Variants in UBE2W observed in about 807,000 individuals in gnomAD.
UBE2W encodes the protein ubiquitin conjugating enzyme E2 W, also known as ubiquitin-conjugating enzyme E2 W.
UBE2W carries 18 observed loss-of-function variants against 27.2 expected under a neutral mutation model. The observed-to-expected ratio is 0.66, with a 90% confidence interval of 0.46 to 0.98. The LOEUF (loss-of-function observed/expected upper bound fraction) is 0.98, where lower values mean the gene tolerates loss of function less well. Among genes scored for constraint, UBE2W ranks in the 50% least tolerant of loss-of-function variants. The pLI is 0.00. For synonymous variants in UBE2W, 53 were observed against 57.2 expected, an observed-to-expected ratio of 0.93 and a Z score of 0.33; for missense variants, 90 against 180.2, an observed-to-expected ratio of 0.50 and a Z score of 2.87.
At chr8:73,843,343 A>C (rs962888772) in intron 1 of UBE2W, among the ~76,000 whole-genome samples, 3 of 152,238 alleles carry the variant, frequency 2.0e-5, no homozygotes, top group Non-Finnish European at 4.4e-5. Context: ...TCTAAATAAA[A>C]ATTTTTTCAC....
intron 1 of UBE2W, among the ~76,000 whole-genome samples, chr8:73,877,581 GA>G (rs201358991): frequency 2.0e-3 from 307 of 149,872 alleles, no homozygotes; most frequent in African/African-American, 5.8e-3. Flanking sequence ...GCAGAGTAAA[GA>G]AAAAAAAATG....
chr8:73,786,290 T>C lies in UBE2W; in HGVS notation c.*7812A>G. The C allele has an allele frequency of 6.1e-6, 6 of 985,440 alleles. No homozygotes were observed. The highest frequency in any genetic ancestry group is 7.2e-6 in the Non-Finnish European group (6 of 829,918). 61.0% of individuals were successfully genotyped at this position (985,440 alleles called of 1,614,324 possible). ...CTGGGATAGAAAGAGCAGGGTCCTGTTATACATTTTACTCAGGTGGTGGTT... is the reference window on the plus strand; with the variant it reads ...CTGGGATAGAAAGAGCAGGGTCCTGCTATACATTTTACTCAGGTGGTGGTT... On this transcript the variant is annotated 3_prime_UTR_variant, in exon 6 of 6. Coordinates refer to ENST00000602593, the MANE Select transcript of UBE2W (RefSeq NM_018299.6).
At chr8:73,785,776 G>A (rs1173843897), downstream of UBE2W, among the ~76,000 whole-genome samples, 1 of 152,100 alleles carries the variant, frequency 6.6e-6, no homozygotes, top group Non-Finnish European at 1.5e-5. Context: ...AGTAGATACG[G>A]GGTTTCACCA....
chr8:73,789,807 A>G lies in UBE2W; in HGVS notation c.*4295T>C. 1 of 713,288 alleles carries G rather than the reference A, an allele frequency of 1.4e-6. No individual in the cohort carries two copies. The highest frequency in any genetic ancestry group is 1.7e-6 in the Non-Finnish European group (1 of 581,610). The allele number at this position is 713,288 out of a possible 1,614,324, so 44.2% of individuals were successfully genotyped here. On this transcript the variant is annotated 3_prime_UTR_variant, in exon 6 of 6. Coordinates refer to ENST00000602593, the MANE Select transcript of UBE2W (RefSeq NM_018299.6). ...GAGCCAAGATCGTGCACTGCACTAA[A>G]GCCCGGGTGACAGAGCAAGACTCCG...
At chr8:73,875,626 A>G (rs958772918) in intron 1 of UBE2W, among the ~76,000 whole-genome samples, 1 of 148,696 alleles carries the variant, frequency 6.7e-6, no homozygotes, top group Non-Finnish European at 1.5e-5. Context: ...AAATCTACTA[A>G]AAGCTTTTTG....
intron 5 of UBE2W, among the ~76,000 whole-genome samples, chr8:73,804,041 C>A (rs567635158): frequency 6.6e-6 from 1 of 152,084 alleles, no homozygotes; most frequent in Non-Finnish European, 1.5e-5. Context: ...GCTGGGATTA[C>A]AGGCATGAGC....
intron 1 of UBE2W, among the ~76,000 whole-genome samples, chr8:73,832,136 A>AATAAATAAATATATATATATATAT (rs1554582582): frequency 6.9e-6 from 1 of 145,348 alleles, no homozygotes; most frequent in African/African-American, 2.6e-5. Context: ...AAAATAAATA[A>AATAAATAAATATATATATATATAT]ATATATATAT....
rs780423950 is a variant in UBE2W at position 73,794,126 on chromosome 8, A to G, written c.443-11T>C. 3.1e-6 allele frequency: 5 copies of G among 1,612,610 alleles called. No individual in the cohort carries two copies. In the Admixed American group the frequency reaches 8.4e-5, roughly 27 times the overall value. On this transcript the variant is annotated splice_polypyrimidine_tract_variant and intron_variant, in intron 5 of 5. Transcript: ENST00000602593. ...ATCAACAAGTATCATCTTTAAGAAA[A>G]GGAGAAAAAAGATAATTAAAAAGTC... is the stretch of plus-strand genomic sequence containing the variant.
intron 1 of UBE2W, among the ~76,000 whole-genome samples, chr8:73,853,930 C>G (rs191562597): frequency 6.6e-6 from 1 of 152,220 alleles, no homozygotes; most frequent in Admixed American, 6.5e-5. Flanking sequence ...GAGAAGATCG[C>G]TTGAGTCTAG....
In UBE2W at chr8:73,878,828, A is replaced by G; in HGVS notation, c.-6T>C. 1.9e-6 allele frequency: 3 copies of G among 1,550,630 alleles called. No homozygotes were observed. Among genetic ancestry groups the G allele is most frequent in the Non-Finnish European group, 2.6e-6 (3 of 1,146,458 alleles). ...CTCACCTGCATTGACGCCATGATGG[A>G]ACCATCCCCCCAAGACCGGCGAGGC... On this transcript the variant is annotated 5_prime_UTR_variant, in exon 1 of 6. Coordinates refer to ENST00000602593, the MANE Select transcript of UBE2W (RefSeq NM_018299.6).
chr8:73,863,916 T>C (rs937296401), intron 1 of UBE2W, among the ~76,000 whole-genome samples: 13 of 131,838 alleles, frequency 9.9e-5, no homozygotes, highest in African/African-American at 3.4e-4. Context: ...CATGGTTAAC[T>C]CAAAAACAAC....
intron 1 of UBE2W, among the ~76,000 whole-genome samples, chr8:73,843,177 G>A (rs974009731): frequency 2.0e-5 from 3 of 152,208 alleles, no homozygotes; most frequent in African/African-American, 4.8e-5. Context: ...CTGGGGAAAG[G>A]AGAATGGAGA....
intron 1 of UBE2W, among the ~76,000 whole-genome samples, chr8:73,834,326 G>T (rs892014485): frequency 6.6e-6 from 1 of 152,152 alleles, no homozygotes; most frequent in African/African-American, 2.4e-5. Flanking sequence ...GTTTGAACAA[G>T]GTTTTAATTA....
At chr8:73,869,815 T>C (rs1016256731) in intron 1 of UBE2W, among the ~76,000 whole-genome samples, 1 of 152,184 alleles carries the variant, frequency 6.6e-6, no homozygotes, top group African/African-American at 2.4e-5. Flanking sequence ...AGTGAGCCTA[T>C]TGTGCCACTG....
chr8:73,842,947 A>T (rs922343670), intron 1 of UBE2W, among the ~76,000 whole-genome samples: 2 of 152,238 alleles, frequency 1.3e-5, no homozygotes. Context: ...CTAACTGAAG[A>T]ATGAACAAAA....
At position 73,793,206 on chromosome 8, in the gene UBE2W, C is replaced by A. The variant is rs1808274563; in HGVS notation, c.*896G>T. 1 of 985,766 alleles carries A rather than the reference C, an allele frequency of 1.0e-6. No homozygotes were observed. The highest frequency in any genetic ancestry group is 1.2e-6 in the Non-Finnish European group (1 of 829,890). The allele number at this position is 985,766 out of a possible 1,614,324, so 61.1% of individuals were successfully genotyped here. A position where few individuals can be genotyped will look rare whatever the true frequency, so the allele number is the denominator to read the frequency against. ...CAGTAGGGCTCATGCTGATGGCTAG[C>A]AGGAAGTTAACAGAGTGTAACTTAC... On this transcript the variant is annotated 3_prime_UTR_variant, in exon 6 of 6. Coordinates refer to ENST00000602593, the MANE Select transcript of UBE2W (RefSeq NM_018299.6).
In UBE2W at chr8:73,868,348, C is replaced by CGG. The variant is rs1372046271; in HGVS notation, c.15+10458_15+10459dup. Among the ~76,000 whole-genome samples, 14 of 152,278 alleles carry CGG rather than the reference C, an allele frequency of 9.2e-5. No homozygotes were observed. The South Asian group carries it at 2.7e-3, about 29-fold the overall frequency. ...AATAAGAACATAGCCACATACCCCA[C>CGG]GGGGCCAAAGGCTCCTGGGTTCATG... On this transcript the variant is annotated intron_variant, in intron 1 of 5. Transcript: ENST00000602593.
At chr8:73,799,411 T>G (rs897089345) in intron 5 of UBE2W, among the ~76,000 whole-genome samples, 1 of 152,184 alleles carries the variant, frequency 6.6e-6, no homozygotes, top group Non-Finnish European at 1.5e-5. Flanking sequence ...ACCCCTGAGC[T>G]ATGGAGCCCT....
chr8:73,850,439 C>T (rs1454902510), intron 1 of UBE2W, among the ~76,000 whole-genome samples: 1 of 152,010 alleles, frequency 6.6e-6, no homozygotes, highest in Admixed American at 6.6e-5. Context: ...TAAACCAGCA[C>T]TGTTCATAAC....
Sources: gnomAD v4.1 joint callset for allele counts (sites outside exome capture counted in the v4.1 genomes callset) on GRCh38, gnomAD v4.1.1 for gene constraint, MANE v1.5 for transcripts, NCBI Gene and HGNC (gene_info 2026-07-23, HGNC 2026-07-21) for gene names.